CRTAC1: variants seen among roughly 807,000 people sequenced by gnomAD.
CRTAC1 encodes cartilage acidic protein 1.
In CRTAC1, 37 loss-of-function variants were observed where a neutral mutation model predicts 67.8. The ratio of observed to expected loss-of-function variants is 0.55; its 90% CI spans 0.42 to 0.72. The LOEUF (loss-of-function observed/expected upper bound fraction) is 0.72, where lower values mean the gene tolerates loss of function less well. CRTAC1 is among the 30% of genes least tolerant of loss of function. CRTAC1 has a pLI of 0.00. For missense variants in CRTAC1, 780 were observed against 931.6 expected (o/e 0.84, Z 2.12); for synonymous variants, 348 against 371.0 (o/e 0.94, Z 0.71).
At chr10:97,964,274 G>T (rs574730223) in intron 2 of CRTAC1, among the ~76,000 whole-genome samples, 2 of 152,316 alleles carry the variant, frequency 1.3e-5, no homozygotes, top group East Asian at 1.9e-4. Flanking sequence ...TCACATGGTG[G>T]GGGGAAGCAT....
In CRTAC1 at chr10:98,029,527, G is replaced by GGCGGCGGCGGCGGCGGCGGCGGCA. The variant is rs1554938506; in HGVS notation, c.24+921_24+922insTGCCGCCGCCGCCGCCGCCGCCGC. On this transcript the variant is annotated intron_variant, in intron 1 of 14. Transcript: ENST00000370597. The surrounding 1 kb of genome is among the most constrained non-coding windows in gnomAD (Gnocchi z 4.7). The stretch of plus-strand genomic sequence containing the variant: ...CGGCGGCGGCGGCGGCGGCGGCGGC[G>GGCGGCGGCGGCGGCGGCGGCGGCA]GCAGCAGCAGCAATATTCATTAGTC... 2.3e-5 allele frequency among the ~76,000 whole-genome samples: 3 copies of GGCGGCGGCGGCGGCGGCGGCGGCA among 131,154 alleles called. No individual in the cohort carries two copies. The highest frequency in any genetic ancestry group is 4.5e-5 in the Non-Finnish European group (3 of 66,856). The allele number at this position is 131,154 out of a possible 152,430, so 86.0% of individuals were successfully genotyped here. A position where few individuals can be genotyped will look rare whatever the true frequency, so the allele number is the denominator to read the frequency against.
chr10:98,021,016 CAT>C (rs1843107355), intron 1 of CRTAC1, among the ~76,000 whole-genome samples: 3 of 137,336 alleles, frequency 2.2e-5, no homozygotes, highest in Non-Finnish European at 3.0e-5. Context: ...TTCACTCATT[CAT>C]TCATTCATTC....
At chr10:97,914,949 G>C (rs1400006610) in intron 5 of CRTAC1, among the ~76,000 whole-genome samples, 1 of 152,000 alleles carries the variant, frequency 6.6e-6, no homozygotes, top group Non-Finnish European at 1.5e-5. Flanking sequence ...GTGACCCAGC[G>C]GAGCAGCTGC....
chr10:97,989,598 C>A (rs1480692950), intron 2 of CRTAC1, among the ~76,000 whole-genome samples: 1 of 152,172 alleles, frequency 6.6e-6, no homozygotes. Context: ...GTGGGACCAC[C>A]ATTGTACATG....
At chr10:97,951,277 A>C (rs756693840) in intron 2 of CRTAC1, among the ~76,000 whole-genome samples, 7 of 152,226 alleles carry the variant, frequency 4.6e-5, no homozygotes, top group Non-Finnish European at 8.8e-5. Flanking sequence ...TAGTGGGGGT[A>C]GGACTGGCTA....
chr10:98,011,295 G>A lies in CRTAC1; in HGVS notation c.67C>T (p.Pro23Ser). 1 of 1,614,162 alleles carries A rather than the reference G, an allele frequency of 6.2e-7. No individual in the cohort carries two copies. Among genetic ancestry groups the A allele is most frequent in the African/African-American group, 1.3e-5 (1 of 75,058 alleles). ...GCCCGCTGGGACCCCTCAGTGATGG[G>A]CAGAAACCAGAGCAGCAGCAGGAAC... ...LPFLLLLWFLPITEGSQRAEP... is the reference protein window; with the variant it reads ...LPFLLLLWFLSITEGSQRAEP... The change falls in exon 2 of 15, where the codon CCC (proline) becomes TCC (serine). Residue 23 changes from proline to serine, a missense_variant. Pro to Ser is a moderately conservative substitution (Grantham distance 74). Transcript: ENST00000370597.
At chr10:97,969,806 C>A (rs868779727) in intron 2 of CRTAC1, among the ~76,000 whole-genome samples, 1 of 152,106 alleles carries the variant, frequency 6.6e-6, no homozygotes, top group African/African-American at 2.4e-5. Flanking sequence ...ACGCTGGAGG[C>A]AGTAGGCTTA....
chr10:97,967,095 C>T (rs1313220621), intron 2 of CRTAC1, among the ~76,000 whole-genome samples: 1 of 151,232 alleles, frequency 6.6e-6, no homozygotes, highest in Non-Finnish European at 1.5e-5. Context: ...GGTGGTGTAT[C>T]GACATCAATT....
chr10:97,880,425 G>C (rs916725294), intron 13 of CRTAC1, 33 bp from the exon 14 acceptor site: 4 of 1,603,470 alleles, frequency 2.5e-6, no homozygotes, highest in Middle Eastern at 3.3e-4. Context: ...CACCATGAAG[G>C]TGTGGGGCAG....
intron 2 of CRTAC1, among the ~76,000 whole-genome samples, chr10:97,940,510 G>A (rs1342567236): frequency 6.6e-6 from 1 of 152,246 alleles, no homozygotes; most frequent in Non-Finnish European, 1.5e-5. Context: ...GGGGTGATGG[G>A]CTCAGTGGCA....
At chr10:98,015,291 G>C (rs1341573161) in intron 1 of CRTAC1, among the ~76,000 whole-genome samples, 1 of 152,198 alleles carries the variant, frequency 6.6e-6, no homozygotes, top group Non-Finnish European at 1.5e-5. Context: ...GAGGTGTCCA[G>C]AGTAGTCAGA....
chr10:97,988,883 A>T (rs2052028324), intron 2 of CRTAC1, among the ~76,000 whole-genome samples: 1 of 152,192 alleles, frequency 6.6e-6, no homozygotes, highest in Non-Finnish European at 1.5e-5. Context: ...CAGATTAATC[A>T]TTGTTTCTGG....
rs550018215 is a variant in CRTAC1 at position 97,935,621 on chromosome 10, C to T, written c.421+549G>A. Among the ~76,000 whole-genome samples the T allele has an allele frequency of 6.2e-4, 95 of 152,356 alleles. 1 individual carries two copies. In the South Asian group the frequency reaches 0.014, roughly 23 times the overall value. ...ACGAACTCAAGGTCTGTCTTCCTCACGGTTGTGTCCTCAGCATCTCTAGGC... is the reference window on the plus strand; with the variant it reads ...ACGAACTCAAGGTCTGTCTTCCTCATGGTTGTGTCCTCAGCATCTCTAGGC... On this transcript the variant is annotated intron_variant, in intron 3 of 14. Coordinates refer to ENST00000370597, the MANE Select transcript of CRTAC1 (RefSeq NM_018058.7).
intron 11 of CRTAC1, among the ~76,000 whole-genome samples, chr10:97,889,834 A>T (rs923978953): frequency 1.3e-5 from 2 of 152,140 alleles, no homozygotes; most frequent in South Asian, 4.1e-4. Context: ...GAGTGCTGGC[A>T]GGGGAGCTTC....
At chr10:97,982,249 C>T (rs909543381) in intron 2 of CRTAC1, among the ~76,000 whole-genome samples, 2 of 152,212 alleles carry the variant, frequency 1.3e-5, no homozygotes, top group African/African-American at 2.4e-5. Context: ...CTCTATGATG[C>T]GGTCTAGGCA....
At chr10:97,990,537 T>C (rs1321257066) in intron 2 of CRTAC1, among the ~76,000 whole-genome samples, 2 of 152,254 alleles carry the variant, frequency 1.3e-5, no homozygotes, top group Non-Finnish European at 2.9e-5. Context: ...TAGCGTCTTT[T>C]AGCAAGCATG....
intron 6 of CRTAC1, among the ~76,000 whole-genome samples, chr10:97,907,081 C>T (rs526745): frequency 0.061 from 9,313 of 152,192 alleles, 313 homozygotes; most frequent in Middle Eastern, 0.1. Flanking sequence ...TCCGAAAACT[C>T]GCAGGAAGTG....
At chr10:97,921,901 CTTT>C (rs55837214) in intron 4 of CRTAC1, among the ~76,000 whole-genome samples, 5 of 144,936 alleles carry the variant, frequency 3.4e-5, no homozygotes, top group Non-Finnish European at 4.5e-5. Flanking sequence ...GCCAGGTCAT[CTTT>C]TTTTTTTTTT....
chr10:97,980,602 G>A (rs913815046), intron 2 of CRTAC1, among the ~76,000 whole-genome samples: 2 of 152,166 alleles, frequency 1.3e-5, no homozygotes, highest in Admixed American at 6.5e-5. Flanking sequence ...GAAGACATTC[G>A]ATCATGTAGT....
Sources: allele counts gnomAD v4.1 joint callset (sites outside exome capture counted in the v4.1 genomes callset), GRCh38; gene constraint gnomAD v4.1.1; non-coding constraint Gnocchi (gnomAD v3.1); transcripts MANE v1.5; gene names NCBI Gene and HGNC (gene_info 2026-07-23, HGNC 2026-07-21).